COTL1: variants seen among roughly 807,000 people sequenced by gnomAD.
COTL1 encodes the protein coactosin like F-actin binding protein 1.
In COTL1, 15 loss-of-function variants were observed where a neutral mutation model predicts 16.5. That is an observed-to-expected ratio of 0.91 (90% confidence interval 0.61 to 1.40). The LOEUF (loss-of-function observed/expected upper bound fraction) is 1.40, where lower values mean the gene tolerates loss of function less well. Ranked by LOEUF, COTL1 falls within the 40% of genes most tolerant of loss-of-function variation. The pLI is 0.00. For synonymous variants in COTL1, 112 were observed against 85.3 expected (o/e 1.31, Z -1.73); for missense variants, 220 against 201.5 (o/e 1.09, Z -0.56).
chr16:84,573,317 A>G (rs2925047), intron 3 of COTL1, among the ~76,000 whole-genome samples: 150,386 of 152,364 alleles, frequency 0.99, 74,246 homozygotes, highest in East Asian at 1. Flanking sequence ...ACACGTGGCC[A>G]GCAACAGCGC....
intron 2 of COTL1, among the ~76,000 whole-genome samples, chr16:84,616,851 G>T (rs1597189859): frequency 2.0e-5 from 3 of 152,150 alleles, no homozygotes; most frequent in Admixed American, 2.0e-4. Context: ...ATCAACAAAT[G>T]TCTACAGAGA....
intron 2 of COTL1, among the ~76,000 whole-genome samples, chr16:84,593,211 A>C (rs2326338): frequency 0.22 from 34,012 of 152,222 alleles, 4,050 homozygotes; most frequent in African/African-American, 0.32. Flanking sequence ...CTCCAGGGAA[A>C]TGCCCCACCA....
intron 2 of COTL1, among the ~76,000 whole-genome samples, chr16:84,593,762 G>C (rs1427737469): frequency 1.3e-5 from 2 of 152,234 alleles, no homozygotes; most frequent in Admixed American, 6.5e-5. Flanking sequence ...GCCTCCCAAA[G>C]TGCTGGGATT....
intron 2 of COTL1, among the ~76,000 whole-genome samples, chr16:84,608,742 C>A (rs1905261045): frequency 6.6e-6 from 1 of 152,094 alleles, no homozygotes; most frequent in Admixed American, 6.6e-5. Context: ...CCTGTCTCTA[C>A]AAAAGATACA....
At chr16:84,613,494 T>C (rs1478840677) in intron 2 of COTL1, among the ~76,000 whole-genome samples, 3 of 151,910 alleles carry the variant, frequency 2.0e-5, no homozygotes, top group East Asian at 1.9e-4. Flanking sequence ...GGAGGGTGTG[T>C]GGAGCTACTA....
rs992075521 is a variant in COTL1 at position 84,581,492 on chromosome 16, G to A, written c.318+8613C>T. On this transcript the variant is annotated intron_variant, in intron 3 of 3. Coordinates refer to ENST00000262428, the MANE Select transcript of COTL1 (RefSeq NM_021149.5). ...GCTGCCCCAGTCAGCTCTCACTCCT[G>A]CTTTCTCTAATTTTTTGTTGTTGTT... is the stretch of plus-strand genomic sequence containing the variant. Among the ~76,000 whole-genome samples, 10 of 146,888 alleles carry A rather than the reference G, an allele frequency of 6.8e-5. No individual in the cohort carries two copies. The East Asian group carries it at 2.2e-3, about 32-fold the overall frequency.
At chr16:84,610,631 G>C (rs947792713) in intron 2 of COTL1, among the ~76,000 whole-genome samples, 2 of 152,180 alleles carry the variant, frequency 1.3e-5, no homozygotes, top group Non-Finnish European at 1.5e-5. Flanking sequence ...GATTGGACAG[G>C]TCTGGGTTAT....
chr16:84,573,951 T>C (rs1904393386), intron 3 of COTL1, among the ~76,000 whole-genome samples: 1 of 151,736 alleles, frequency 6.6e-6, no homozygotes, highest in Admixed American at 6.6e-5. Flanking sequence ...AACCCCGGAG[T>C]TCCAAGACTA....
chr16:84,598,355 G>A lies in COTL1; in HGVS notation c.161-8093C>T, dbSNP rs546577514. The stretch of plus-strand genomic sequence containing the variant: ...GTGGGGACCTAGAAGCCCCAGGCAG[G>A]GCCCTGAAGGTAGGTAAAGGGAGCC... On this transcript the variant is annotated intron_variant, in intron 2 of 3. Coordinates refer to ENST00000262428, the MANE Select transcript of COTL1 (RefSeq NM_021149.5). Among the ~76,000 whole-genome samples the A allele has an allele frequency of 1.0e-3, 158 of 152,294 alleles. 1 individual carries two copies. The highest frequency in any genetic ancestry group is 2.0e-3 in the Non-Finnish European group (137 of 68,022).
chr16:84,566,842 G>A lies in COTL1; in HGVS notation c.*3C>T, dbSNP rs1435669407. On this transcript the variant is annotated 3_prime_UTR_variant, in exon 4 of 4. Coordinates refer to ENST00000262428, the MANE Select transcript of COTL1 (RefSeq NM_021149.5). ...GCAAGGGGTGGTGTGGCGGGGGCTGGGGTTACTCCGTCTGGGCGTCGTAAT... is the reference window on the plus strand; with the variant it reads ...GCAAGGGGTGGTGTGGCGGGGGCTGAGGTTACTCCGTCTGGGCGTCGTAAT... 9.4e-6 allele frequency: 15 copies of A among 1,602,996 alleles called. No individual in the cohort carries two copies. Among genetic ancestry groups the A allele is most frequent in the Middle Eastern group, 1.7e-4 (1 of 6,052 alleles).
chr16:84,590,499 G>A lies in COTL1; in HGVS notation c.161-237C>T. On this transcript the variant is annotated intron_variant, in intron 2 of 3. Transcript: ENST00000262428. The surrounding 1 kb of genome is among the most constrained non-coding windows in gnomAD (Gnocchi z 5.5). Reference sequence around the variant, plus strand: ...GGCTTCATGCCCATTTCACAGATGGGAAATGGAGATTCAGAGAAGTCACAT... The same window carrying A: ...GGCTTCATGCCCATTTCACAGATGGAAAATGGAGATTCAGAGAAGTCACAT... 2.6e-6 allele frequency: 1 copy of A among 380,404 alleles called. No homozygotes were observed. The highest frequency in any genetic ancestry group is 2.1e-5 in the African/African-American group (1 of 48,492). 23.6% of individuals were successfully genotyped at this position (380,404 alleles called of 1,614,324 possible). A position where few individuals can be genotyped will look rare whatever the true frequency, so the allele number is the denominator to read the frequency against.
chr16:84,574,203 G>A (rs1038367500), intron 3 of COTL1, among the ~76,000 whole-genome samples: 3 of 152,154 alleles, frequency 2.0e-5, no homozygotes, highest in African/African-American at 7.2e-5. Flanking sequence ...GAGAGGGGAC[G>A]CAGTTCATCC....
intron 2 of COTL1, chr16:84,595,638 G>C (rs1904983522): frequency 6.6e-6 from 1 of 152,170 alleles, no homozygotes; most frequent in South Asian, 2.1e-4. Context: ...TCTATGTCGG[G>C]CTATTGTCAC....
chr16:84,607,810 T>G (rs746002859), intron 2 of COTL1, among the ~76,000 whole-genome samples: 19 of 152,212 alleles, frequency 1.2e-4, no homozygotes, highest in African/African-American at 4.6e-4. Flanking sequence ...AACTCAGTAC[T>G]TGGCAAAGGG....
At chr16:84,611,763 C>A (rs1174316412) in intron 2 of COTL1, among the ~76,000 whole-genome samples, 1 of 152,196 alleles carries the variant, frequency 6.6e-6, no homozygotes, top group African/African-American at 2.4e-5. Flanking sequence ...TTGGTTTAGT[C>A]TTGCTTTATG....
Position 84,590,017 on chromosome 16 carries a change from C to T in COTL1, c.318+88G>A. ...TCCCAAGTCACAGCTAAGCTACAGA[C>T]CCAGGAGTCGAACCCAGCCCTCTCC... On this transcript the variant is annotated intron_variant, in intron 3 of 3. Coordinates refer to ENST00000262428, the MANE Select transcript of COTL1 (RefSeq NM_021149.5). The surrounding 1 kb of genome is among the most constrained non-coding windows in gnomAD (Gnocchi z 5.5). 2.2e-6 allele frequency: 3 copies of T among 1,373,896 alleles called. No homozygotes were observed. Among genetic ancestry groups the T allele is most frequent in the East Asian group, 4.7e-5 (2 of 42,846 alleles). The allele number at this position is 1,373,896 out of a possible 1,614,324, so 85.1% of individuals were successfully genotyped here.
intron 2 of COTL1, among the ~76,000 whole-genome samples, chr16:84,612,600 T>C (rs1306748302): frequency 2.6e-5 from 4 of 152,116 alleles, no homozygotes; most frequent in African/African-American, 9.7e-5. Flanking sequence ...CTGGCCAACA[T>C]GGTGAAACCC....
chr16:84,571,450 T>A (rs1276992573), intron 3 of COTL1, among the ~76,000 whole-genome samples: 1 of 152,126 alleles, frequency 6.6e-6, no homozygotes. Flanking sequence ...ATGAGGCTGG[T>A]TAAGCGGCAG....
chr16:84,587,062 C>A (rs1904751074), intron 3 of COTL1, among the ~76,000 whole-genome samples: 1 of 152,156 alleles, frequency 6.6e-6, no homozygotes, highest in Admixed American at 6.5e-5. Flanking sequence ...GACCTTTGGC[C>A]ACAGAACAGG....
Sources: allele counts gnomAD v4.1 joint callset (sites outside exome capture counted in the v4.1 genomes callset), GRCh38; gene constraint gnomAD v4.1.1; non-coding constraint Gnocchi (gnomAD v3.1); transcripts MANE v1.5; gene names NCBI Gene and HGNC (gene_info 2026-07-23, HGNC 2026-07-21).